Variants in PI4KA observed in about 807,000 individuals in gnomAD.
The protein encoded by PI4KA is PI4-kinase alpha.
A neutral mutation model predicts 271.4 loss-of-function variants in PI4KA; 122 were observed. The observed-to-expected ratio is 0.45, with a 90% CI of 0.39 to 0.52. The LOEUF is 0.52. Ranked by LOEUF, PI4KA falls within the 20% of genes least tolerant of loss-of-function variation. PI4KA has a pLI of 0.00. For synonymous variants in PI4KA, 1,041 were observed against 1,078.8 expected, an observed-to-expected ratio of 0.96 and a Z score of 0.69; for missense variants, 1,969 against 2,769.1, an observed-to-expected ratio of 0.71 and a Z score of 6.48.
chr22:20,766,481 T>C (rs899094958), intron 19 of PI4KA, among the ~76,000 whole-genome samples: 3 of 152,120 alleles, frequency 2.0e-5, no homozygotes, highest in Non-Finnish European at 4.4e-5. Context: ...CTGGCCAACA[T>C]GGTGAAACCC....
At chr22:20,712,182 T>C (rs1470675365) in intron 50 of PI4KA, among the ~76,000 whole-genome samples, 5 of 151,778 alleles carry the variant, frequency 3.3e-5, no homozygotes, top group East Asian at 1.9e-4. Flanking sequence ...CTCAGCCTCC[T>C]GAGTAGCTGG....
Position 20,734,200 on chromosome 22 carries a change from C to T in PI4KA, c.3901-6G>A, listed in dbSNP as rs772488790. ...TCAAACCGCTGCACCAGGAACTGAGCGAAAAGAGGAAGACGCTGTGGTGGT... is the reference window on the plus strand; with the variant it reads ...TCAAACCGCTGCACCAGGAACTGAGTGAAAAGAGGAAGACGCTGTGGTGGT... On this transcript the variant is annotated splice_polypyrimidine_tract_variant and splice_region_variant and intron_variant, in intron 33 of 54. Coordinates refer to ENST00000255882, the MANE Select transcript of PI4KA (RefSeq NM_058004.4). The T allele has an allele frequency of 2.6e-5, 40 of 1,537,102 alleles. No individual in the cohort carries two copies. The highest frequency in any genetic ancestry group is 2.3e-4 in the Middle Eastern group (1 of 4,324).
intron 44 of PI4KA, 54 bp from the exon 45 acceptor site, chr22:20,717,832 G>C (rs1926204689): frequency 1.5e-6 from 2 of 1,352,818 alleles, no homozygotes; most frequent in East Asian, 5.0e-5. Flanking sequence ...CTGGCTGCTG[G>C]GGGACAGCCC....
intron 36 of PI4KA, among the ~76,000 whole-genome samples, chr22:20,730,503 G>C (rs888370326): frequency 1.3e-5 from 2 of 150,536 alleles, no homozygotes; most frequent in Non-Finnish European, 3.0e-5. Flanking sequence ...TCAAACTCCT[G>C]ACCTCAGGTG....
Position 20,756,874 on chromosome 22 carries a change from C to A in PI4KA, c.2792-3694G>T, listed in dbSNP as rs186971580. The stretch of plus-strand genomic sequence containing the variant: ...CAAACTCCTGACCTCAAGTGATCTG[C>A]CCACCTCGGCTCCCAAAGTGCTGAG... On this transcript the variant is annotated intron_variant, in intron 23 of 54. Transcript: ENST00000255882. Among the ~76,000 whole-genome samples, 14 of 152,300 alleles carry A rather than the reference C, an allele frequency of 9.2e-5. No homozygotes were observed. The East Asian group carries it at 2.7e-3, about 29-fold the overall frequency.
intron 50 of PI4KA, 133 bp downstream of exon 50, chr22:20,712,353 C>T (rs1235292032): frequency 9.7e-6 from 15 of 1,546,154 alleles, no homozygotes; most frequent in Non-Finnish European, 1.3e-5. Context: ...CCGTGCCCGG[C>T]CCAGGTGCCC....
chr22:20,721,112 T>C (rs1926681584), intron 43 of PI4KA, among the ~76,000 whole-genome samples, 186 bp downstream of exon 43: 1 of 151,910 alleles, frequency 6.6e-6, no homozygotes, highest in Non-Finnish European at 1.5e-5. Flanking sequence ...TTAGCAAAGG[T>C]GTCATGAAGG....
intron 1 of PI4KA, among the ~76,000 whole-genome samples, chr22:20,850,287 G>A (rs1245014367): frequency 6.6e-6 from 1 of 151,804 alleles, no homozygotes; most frequent in African/African-American, 2.4e-5. Context: ...GTTAACACCA[G>A]CACTTTGGGA....
chr22:20,754,375 A>G (rs1733136169), intron 23 of PI4KA, among the ~76,000 whole-genome samples: 1 of 152,204 alleles, frequency 6.6e-6, no homozygotes, highest in African/African-American at 2.4e-5. Context: ...GGCGTGAGCC[A>G]CTATGCCCAG....
intron 25 of PI4KA, among the ~76,000 whole-genome samples, chr22:20,752,311 C>T (rs1930792983): frequency 6.6e-6 from 1 of 152,178 alleles, no homozygotes; most frequent in African/African-American, 2.4e-5. Context: ...GGCGCTGCTG[C>T]CTGGACCAGG....
chr22:20,825,018 C>A (rs964559767), intron 3 of PI4KA, among the ~76,000 whole-genome samples: 1 of 135,604 alleles, frequency 7.4e-6, no homozygotes, highest in Non-Finnish European at 1.5e-5. Flanking sequence ...TCCAGTGAGC[C>A]GAGATCGCAC....
chr22:20,819,270 A>G lies in PI4KA; in HGVS notation c.789+371T>C, dbSNP rs539763779. Among the ~76,000 whole-genome samples the G allele has an allele frequency of 3.3e-5, 5 of 150,472 alleles. No homozygotes were observed. The South Asian group carries it at 1.0e-3, about 31-fold the overall frequency. On this transcript the variant is annotated intron_variant, in intron 6 of 54. Coordinates refer to ENST00000255882, the MANE Select transcript of PI4KA (RefSeq NM_058004.4). Reference sequence around the variant, plus strand: ...GGAGCAGGCTTAACTAGGAGTCTGTATGTTTGGCCATATTTTCATGTTTTA... The same window carrying G: ...GGAGCAGGCTTAACTAGGAGTCTGTGTGTTTGGCCATATTTTCATGTTTTA...
intron 3 of PI4KA, among the ~76,000 whole-genome samples, chr22:20,828,936 T>C (rs1923799241): frequency 6.6e-6 from 1 of 152,190 alleles, no homozygotes; most frequent in Admixed American, 6.5e-5. Context: ...ATGGTTTTTG[T>C]TTTTAGTTCT....
At chr22:20,754,139 T>C (rs1300108348) in intron 23 of PI4KA, among the ~76,000 whole-genome samples, 1 of 152,104 alleles carries the variant, frequency 6.6e-6, no homozygotes, top group African/African-American at 2.4e-5. Flanking sequence ...CAGTCTGGAG[T>C]GCAATGGTGA....
intron 3 of PI4KA, among the ~76,000 whole-genome samples, chr22:20,833,710 G>A (rs1028378382): frequency 4.7e-5 from 7 of 149,224 alleles, no homozygotes; most frequent in Non-Finnish European, 5.9e-5. Context: ...GCCCAGGCTG[G>A]AGTGCAGTAG....
chr22:20,850,441 TA>T (rs1023498647), intron 1 of PI4KA, among the ~76,000 whole-genome samples: 5 of 138,882 alleles, frequency 3.6e-5, no homozygotes, highest in Admixed American at 7.9e-5. Context: ...AATACTCATT[TA>T]AAAAAAAATT....
intron 19 of PI4KA, among the ~76,000 whole-genome samples, chr22:20,785,598 A>G (rs964612290): frequency 2.0e-5 from 3 of 152,226 alleles, no homozygotes; most frequent in Admixed American, 1.3e-4. Flanking sequence ...TAGTATATAC[A>G]GGAAAGGTTC....
At position 20,765,122 on chromosome 22, in the gene PI4KA, A is replaced by G. The variant is rs1932404662; in HGVS notation, c.2552T>C (p.Met851Thr). ...TACGGGGGTGACCGTGTCATTCTTCATGGCTGAGTTATACTGGAGGACGGA... is the reference window on the plus strand; with the variant it reads ...TACGGGGGTGACCGTGTCATTCTTCGTGGCTGAGTTATACTGGAGGACGGA... ...LRSVLQYNSA[M>T]KNDTVTPAEL... Residue 851 changes from methionine to threonine, a missense_variant, in exon 21 of 55, where the codon ATG (methionine) becomes ACG (threonine). This residue lies in a region of PI4KA where 368 missense variants were observed against 544.3 expected (regional missense o/e 0.68). Coordinates refer to ENST00000255882, the MANE Select transcript of PI4KA (RefSeq NM_058004.4). 6.2e-7 allele frequency: 1 copy of G among 1,613,476 alleles called. No individual in the cohort carries two copies. The highest frequency in any genetic ancestry group is 8.5e-7 in the Non-Finnish European group (1 of 1,179,756).
At chr22:20,825,069 C>CAAAAA (rs362248) in intron 3 of PI4KA, among the ~76,000 whole-genome samples, 962 of 76,878 alleles carry the variant, frequency 0.013, 63 homozygotes, top group East Asian at 0.059. Flanking sequence ...GACGCCATCT[C>CAAAAA]AAAAAAAAAA....
Sources: allele counts gnomAD v4.1 joint callset (sites outside exome capture counted in the v4.1 genomes callset), GRCh38; gene constraint gnomAD v4.1.1; regional missense constraint gnomAD v4.1.1; transcripts MANE v1.5; gene names NCBI Gene and HGNC (gene_info 2026-07-23, HGNC 2026-07-21).